ATXN2: variants seen among roughly 807,000 people sequenced by gnomAD.
ATXN2 encodes ataxin-2.
In ATXN2, 37 loss-of-function variants were observed where a neutral mutation model predicts 138.6. The ratio of observed to expected loss-of-function variants is 0.27; its 90% CI spans 0.21 to 0.35. The LOEUF is 0.35. Ranked by LOEUF, ATXN2 falls within the 10% of genes least tolerant of loss-of-function variation. The pLI, the probability that ATXN2 is intolerant of heterozygous loss-of-function variation, is 1.00. For missense variants in ATXN2, 1,216 were observed against 1,480.3 expected (o/e 0.82, Z 2.93); for synonymous variants, 549 against 543.7 (o/e 1.01, Z -0.13).
chr12:111,591,047 G>A (rs182185901), intron 1 of ATXN2, among the ~76,000 whole-genome samples: 102 of 151,994 alleles, frequency 6.7e-4, no homozygotes, highest in Non-Finnish European at 1.1e-3. Flanking sequence ...CCTCCACCGC[G>A]CCCAGCTAAT....
intron 1 of ATXN2, among the ~76,000 whole-genome samples, chr12:111,582,367 C>T (rs1884052596): frequency 6.6e-6 from 1 of 150,556 alleles, no homozygotes; most frequent in African/African-American, 2.4e-5. Flanking sequence ...TGCTTGAACT[C>T]GGGAGGTGGA....
intron 18 of ATXN2, among the ~76,000 whole-genome samples, chr12:111,474,397 C>CA (rs11458752): frequency 0.28 from 41,141 of 146,828 alleles, 6,938 homozygotes; most frequent in East Asian, 0.89. Flanking sequence ...GACTCTGTCT[C>CA]AAAAAAAAAC....
chr12:111,588,691 T>TA (rs946418375), intron 1 of ATXN2, among the ~76,000 whole-genome samples: 228 of 150,160 alleles, frequency 1.5e-3, no homozygotes, highest in African/African-American at 5.2e-3. Flanking sequence ...CCCAGACTCA[T>TA]AAAAAAAATA....
intron 2 of ATXN2, among the ~76,000 whole-genome samples, chr12:111,555,647 C>T (rs1168442153): frequency 6.6e-6 from 1 of 152,052 alleles, no homozygotes; most frequent in African/African-American, 2.4e-5. Context: ...ATAAATTACC[C>T]AGTCTTAGGT....
intron 21 of ATXN2, among the ~76,000 whole-genome samples, chr12:111,463,453 C>G (rs1875747080): frequency 6.6e-6 from 1 of 152,032 alleles, no homozygotes. Context: ...TGCCACCATG[C>G]TTTGGTAGAG....
chr12:111,477,912 A>C (rs996062916), intron 18 of ATXN2, among the ~76,000 whole-genome samples: 1 of 151,776 alleles, frequency 6.6e-6, no homozygotes, highest in South Asian at 2.1e-4. Flanking sequence ...CAGCCCCCCA[A>C]GTAGCTGGGA....
At chr12:111,467,255 A>C (rs1171844831) in intron 20 of ATXN2, among the ~76,000 whole-genome samples, 2 of 139,392 alleles carry the variant, frequency 1.4e-5, no homozygotes, top group Non-Finnish European at 3.0e-5. Flanking sequence ...TGATCCTCCC[A>C]TCTCAGCTTC....
At chr12:111,521,635 G>T (rs1880161854) in intron 6 of ATXN2, among the ~76,000 whole-genome samples, 1 of 152,180 alleles carries the variant, frequency 6.6e-6, no homozygotes, top group South Asian at 2.1e-4. Context: ...ATTAGCAGTT[G>T]TGACACCTCA....
intron 20 of ATXN2, chr12:111,469,568 G>A (rs1876260160): frequency 6.6e-6 from 1 of 152,416 alleles, no homozygotes; most frequent in Admixed American, 6.6e-5. Flanking sequence ...GTTCACATTG[G>A]TTATATTTAA....
At position 111,518,309 on chromosome 12, in the gene ATXN2, T is replaced by A. The variant is rs1173151518; in HGVS notation, c.1105A>T (p.Thr369Ser). 6.2e-7 allele frequency: 1 copy of A among 1,612,856 alleles called. No individual in the cohort carries two copies. The highest frequency in any genetic ancestry group is 2.2e-5 in the East Asian group (1 of 44,860). The change falls in exon 9 of 25, where the codon ACT becomes TCT. Residue 369 changes from threonine (T) to serine (S), a missense_variant. Transcript: ENST00000673436. ...PGSGSMPSRS[T>S]SHTSDFNPNS... ...GGGTTGAAATCTGAAGTGTGAGAAG[T>A]GGATCTTGATGGCATGGAGCCCGAT...
At chr12:111,588,245 A>G (rs1038662164) in intron 1 of ATXN2, among the ~76,000 whole-genome samples, 7 of 151,694 alleles carry the variant, frequency 4.6e-5, no homozygotes, top group African/African-American at 1.5e-4. Flanking sequence ...TTGTAAAGTC[A>G]CTTGACACAA....
At chr12:111,501,825 A>T (rs1355468368) in intron 14 of ATXN2, among the ~76,000 whole-genome samples, 1 of 152,174 alleles carries the variant, frequency 6.6e-6, no homozygotes, top group Non-Finnish European at 1.5e-5. Context: ...GAAGGCAAAA[A>T]TCAGACTTTT....
intron 21 of ATXN2, among the ~76,000 whole-genome samples, chr12:111,463,005 T>C (rs1279859023): frequency 1.6e-5 from 2 of 123,860 alleles, no homozygotes; most frequent in African/African-American, 1.2e-4. Context: ...CACACACATA[T>C]ATGTATGTAT....
intron 1 of ATXN2, among the ~76,000 whole-genome samples, chr12:111,578,995 A>G (rs1883837746): frequency 6.6e-6 from 1 of 152,094 alleles, no homozygotes. Context: ...ACAATATCGC[A>G]CCACTGCACT....
intron 5 of ATXN2, among the ~76,000 whole-genome samples, chr12:111,546,910 C>T (rs529169834): frequency 6.6e-6 from 1 of 152,314 alleles, no homozygotes; most frequent in East Asian, 1.9e-4. Flanking sequence ...TGACTCACAG[C>T]TCATATGACG....
chr12:111,572,247 A>G (rs1214110086), intron 1 of ATXN2, among the ~76,000 whole-genome samples: 3 of 151,936 alleles, frequency 2.0e-5, no homozygotes, highest in African/African-American at 7.3e-5. Context: ...CTAAATACAA[A>G]GAAATTAGCC....
chr12:111,499,827 G>A (rs376252031), intron 14 of ATXN2, among the ~76,000 whole-genome samples: 10 of 152,242 alleles, frequency 6.6e-5, no homozygotes, highest in East Asian at 1.9e-4. Context: ...AGACCTCATC[G>A]TTATTTATGA....
intron 1 of ATXN2, among the ~76,000 whole-genome samples, chr12:111,575,614 T>TAC (rs2135820236): frequency 6.6e-6 from 1 of 152,254 alleles, no homozygotes; most frequent in South Asian, 2.1e-4. Context: ...TAGTCTATAC[T>TAC]ACCACATAAG....
At chr12:111,470,888 G>A (rs1876370425) in intron 18 of ATXN2, 146 bp from the exon 19 acceptor site, 1 of 817,340 alleles carries the variant, frequency 1.2e-6, no homozygotes, top group East Asian at 2.7e-5. Flanking sequence ...CTGCCACTCT[G>A]GGTTATTTTC....
Sources: gnomAD v4.1 joint callset for allele counts (sites outside exome capture counted in the v4.1 genomes callset) on GRCh38, gnomAD v4.1.1 for gene constraint, MANE v1.5 for transcripts, NCBI Gene and HGNC (gene_info 2026-07-23, HGNC 2026-07-21) for gene names.